The following TRAM2 variants were observed in gnomAD, a reference collection of about 807,000 sequenced individuals.
TRAM2 encodes the protein translocating chain-associated membrane protein 2.
In TRAM2, 12 loss-of-function variants were observed where a neutral mutation model predicts 51.0. That is an observed-to-expected ratio of 0.24 (90% confidence interval 0.15 to 0.38). TRAM2 has a LOEUF of 0.38. Among genes scored for constraint, TRAM2 ranks in the 10% least tolerant of loss-of-function variants. The pLI is 1.00. For missense variants in TRAM2, 361 were observed against 462.0 expected, an observed-to-expected ratio of 0.78 and a Z score of 2.00; for synonymous variants, 175 against 179.4, an observed-to-expected ratio of 0.98 and a Z score of 0.20.
chr6:52,531,025 T>C (rs1405070518), intron 2 of TRAM2, among the ~76,000 whole-genome samples: 3 of 150,140 alleles, frequency 2.0e-5, no homozygotes, highest in South Asian at 2.1e-4. Flanking sequence ...AAACAGTTAC[T>C]GGCTCTACTA....
chr6:52,501,970 A>G lies in TRAM2; in HGVS notation c.*1227T>C, dbSNP rs749130791. The G allele has an allele frequency of 6.6e-6, 1 of 152,258 alleles. No homozygotes were observed. Among genetic ancestry groups the G allele is most frequent in the Non-Finnish European group, 1.5e-5 (1 of 68,060 alleles). 9.4% of individuals were successfully genotyped at this position (152,258 alleles called of 1,614,324 possible). ...AAGAATCTGTGAGGGAAGGGGCCAG[A>G]AAGGCGCCTATCATCTACCCAGAGA... On this transcript the variant is annotated 3_prime_UTR_variant, in exon 11 of 11. Coordinates refer to ENST00000182527, the MANE Select transcript of TRAM2 (RefSeq NM_012288.4).
intron 1 of TRAM2, among the ~76,000 whole-genome samples, chr6:52,546,086 C>T (rs187774976): frequency 6.6e-6 from 1 of 152,276 alleles, no homozygotes; most frequent in Non-Finnish European, 1.5e-5. Flanking sequence ...CTGCCCCACC[C>T]CAGGGAAAAC....
intron 2 of TRAM2, among the ~76,000 whole-genome samples, chr6:52,532,018 C>A (rs1766900472): frequency 6.6e-6 from 1 of 152,130 alleles, no homozygotes; most frequent in Non-Finnish European, 1.5e-5. Flanking sequence ...ACTCCACTAC[C>A]CCCACTCCGC....
intron 5 of TRAM2, among the ~76,000 whole-genome samples, chr6:52,508,635 T>A (rs979118692): frequency 3.3e-5 from 5 of 152,192 alleles, no homozygotes; most frequent in South Asian, 2.1e-4. Context: ...AGAGCACTGT[T>A]GGAGATAGGG....
chr6:52,528,886 CTTTTTTTTTTT>C (rs144917424), intron 2 of TRAM2, among the ~76,000 whole-genome samples: 3 of 128,532 alleles, frequency 2.3e-5, no homozygotes, highest in Non-Finnish European at 4.9e-5. Flanking sequence ...GTGTACATGA[CTTTTTTTTTTT>C]TTTTTTTTTT....
chr6:52,515,249 T>G (rs1017050914), intron 4 of TRAM2, among the ~76,000 whole-genome samples: 2 of 152,168 alleles, frequency 1.3e-5, no homozygotes, highest in African/African-American at 4.8e-5. Flanking sequence ...AAGGTAGAGC[T>G]CCAGGTGGTG....
intron 1 of TRAM2, among the ~76,000 whole-genome samples, chr6:52,565,503 G>A (rs1445871242): frequency 6.6e-6 from 1 of 152,138 alleles, no homozygotes; most frequent in Non-Finnish European, 1.5e-5. Context: ...TGGTGGTATG[G>A]GAGCTAATAC....
Position 52,503,160 on chromosome 6 carries a change from C to T in TRAM2, c.*37G>A, listed in dbSNP as rs1205157072. 2 of 1,580,334 alleles carry T rather than the reference C, an allele frequency of 1.3e-6. No homozygotes were observed. Among genetic ancestry groups the T allele is most frequent in the Non-Finnish European group, 1.7e-6 (2 of 1,150,364 alleles). On this transcript the variant is annotated 3_prime_UTR_variant, in exon 11 of 11. Transcript: ENST00000182527. ...CTGGGCTCCTTGCCCCCTGCTCGGCCCCCACCAAGAGGATTCCTGTTCTTA... is the reference window on the plus strand; with the variant it reads ...CTGGGCTCCTTGCCCCCTGCTCGGCTCCCACCAAGAGGATTCCTGTTCTTA...
At chr6:52,516,392 A>G in intron 3 of TRAM2, 1 of 594,400 alleles carries the variant, frequency 1.7e-6, no homozygotes. Context: ...CCATAAGGAC[A>G]CCATCTCCAG....
intron 1 of TRAM2, among the ~76,000 whole-genome samples, chr6:52,552,032 G>C (rs546811120): frequency 1.3e-5 from 2 of 152,382 alleles, no homozygotes; most frequent in South Asian, 4.1e-4. Context: ...ACGGACACTT[G>C]ATCTTCTGAG....
chr6:52,535,988 AGTTTTT>A, intron 1 of TRAM2, 142 bp from the exon 2 acceptor site: 1 of 647,314 alleles, frequency 1.5e-6, no homozygotes, highest in Non-Finnish European at 2.6e-6. Flanking sequence ...AGTTAGCATT[AGTTTTT>A]GTTCTATTTT....
chr6:52,559,062 C>T (rs1453304405), intron 1 of TRAM2, among the ~76,000 whole-genome samples: 4 of 152,160 alleles, frequency 2.6e-5, no homozygotes, highest in African/African-American at 9.7e-5. Context: ...TGTTACTATA[C>T]ACTACTTGGA....
At chr6:52,537,721 T>C (rs1767000271) in intron 1 of TRAM2, among the ~76,000 whole-genome samples, 1 of 25,776 alleles carries the variant, frequency 3.9e-5, no homozygotes. Context: ...GCAGGGACTG[T>C]GCCGTCCCGT....
chr6:52,549,529 C>T (rs1767271872), intron 1 of TRAM2, among the ~76,000 whole-genome samples: 2 of 152,182 alleles, frequency 1.3e-5, no homozygotes, highest in Admixed American at 1.3e-4. Flanking sequence ...TAAATTTCAT[C>T]AGTTACCTAA....
At position 52,552,008 on chromosome 6, in the gene TRAM2, C is replaced by T. The variant is rs576376618; in HGVS notation, c.121-16162G>A. Among the ~76,000 whole-genome samples the T allele has an allele frequency of 3.3e-5, 5 of 152,400 alleles. No individual in the cohort carries two copies. The South Asian group carries it at 6.2e-4, about 19-fold the overall frequency. On this transcript the variant is annotated intron_variant, in intron 1 of 10. Transcript: ENST00000182527. ...CAGCTGGCCGCTCGAGAAGGCTCAGCGTGATCAGACAACACGGACACTTGA... is the reference window on the plus strand; with the variant it reads ...CAGCTGGCCGCTCGAGAAGGCTCAGTGTGATCAGACAACACGGACACTTGA...
intron 4 of TRAM2, 60 bp from the exon 5 acceptor site, chr6:52,509,646 T>G: frequency 3.3e-6 from 5 of 1,538,456 alleles, no homozygotes; most frequent in Non-Finnish European, 4.5e-6. Flanking sequence ...GCTGGGGCCC[T>G]GGGACCGGTC....
At position 52,509,510 on chromosome 6, in the gene TRAM2, A is replaced by G; in HGVS notation, c.470+18T>C. On this transcript the variant is annotated intron_variant, in intron 5 of 10. Coordinates refer to ENST00000182527, the MANE Select transcript of TRAM2 (RefSeq NM_012288.4). ...GCCCGGTCGCTCCTCCCTGGGGCTGAGTCAACAGAATACTCACGGGAGGTG... is the reference window on the plus strand; with the variant it reads ...GCCCGGTCGCTCCTCCCTGGGGCTGGGTCAACAGAATACTCACGGGAGGTG... 6.2e-7 allele frequency: 1 copy of G among 1,609,864 alleles called. No individual in the cohort carries two copies. The highest frequency in any genetic ancestry group is 1.3e-5 in the African/African-American group (1 of 74,098).
chr6:52,523,222 TC>T (rs1766709277), intron 2 of TRAM2: 3 of 284,928 alleles, frequency 1.1e-5, no homozygotes, highest in Non-Finnish European at 1.3e-5. Context: ...TATATATAAA[TC>T]CAGAATTAGA....
At chr6:52,516,456 G>C (rs1766551453) in intron 3 of TRAM2, 172 bp downstream of exon 3, 9 of 626,690 alleles carry the variant, frequency 1.4e-5, no homozygotes, top group South Asian at 3.8e-5. Context: ...GATTAAAGGA[G>C]GCTGTGAACA....
Sources: gnomAD v4.1 joint callset for allele counts (sites outside exome capture counted in the v4.1 genomes callset) on GRCh38, gnomAD v4.1.1 for gene constraint, MANE v1.5 for transcripts, NCBI Gene and HGNC (gene_info 2026-07-23, HGNC 2026-07-21) for gene names.